The following SNTG1 variants were observed in gnomAD, a reference collection of about 807,000 sequenced individuals.
SNTG1 encodes the protein syntrophin gamma 1.
A neutral mutation model predicts 74.7 loss-of-function variants in SNTG1; 39 were observed. That is an observed-to-expected ratio of 0.52 (90% CI 0.40 to 0.68). The LOEUF is 0.68. Among genes scored for constraint, SNTG1 ranks in the 30% least tolerant of loss-of-function variants. SNTG1 has a pLI of 0.00. For missense variants in SNTG1, 685 were observed against 609.5 expected, an observed-to-expected ratio of 1.12 and a Z score of -1.30; for synonymous variants, 254 against 217.1, an observed-to-expected ratio of 1.17 and a Z score of -1.49.
In SNTG1 at chr8:50,775,790, T is replaced by A. The variant is rs1219714914; in HGVS notation, c.1396-16881T>A. Among the ~76,000 whole-genome samples, 4 of 151,834 alleles carry A rather than the reference T, an allele frequency of 2.6e-5. No homozygotes were observed. The East Asian group carries it at 7.7e-4, about 29-fold the overall frequency. On this transcript the variant is annotated intron_variant, in intron 18 of 18. Coordinates refer to ENST00000642720, the MANE Select transcript of SNTG1 (RefSeq NM_018967.5). ...GTTTCTGCATTACATACTTTGCATC[T>A]AAGTTATTTGATGCATACATATTTA...
chr8:50,755,863 G>A (rs2095579070), intron 18 of SNTG1, among the ~76,000 whole-genome samples: 1 of 151,544 alleles, frequency 6.6e-6, no homozygotes, highest in African/African-American at 2.4e-5. Flanking sequence ...ATACAACGTG[G>A]TGCATATTTT....
At position 50,389,596 on chromosome 8, in the gene SNTG1, C is replaced by T. The variant is rs191673197; in HGVS notation, c.-27-4616C>T. ...TGATTTATAATCCTTTGGGTATATACCCAGTAATGGGATGGCTGGGTCAAA... is the reference window on the plus strand; with the variant it reads ...TGATTTATAATCCTTTGGGTATATATCCAGTAATGGGATGGCTGGGTCAAA... On this transcript the variant is annotated intron_variant, in intron 2 of 18. Coordinates refer to ENST00000642720, the MANE Select transcript of SNTG1 (RefSeq NM_018967.5). Among the ~76,000 whole-genome samples, 795 of 152,196 alleles carry T rather than the reference C, an allele frequency of 5.2e-3. 9 individuals carry two copies. The highest frequency in any genetic ancestry group is 0.019 in the African/African-American group (768 of 41,498).
rs184894731 is a variant in SNTG1 at position 50,567,614 on chromosome 8, T to C, written c.810+14435T>C. 1.6e-3 allele frequency among the ~76,000 whole-genome samples: 249 copies of C among 152,202 alleles called. 1 individual carries two copies. The highest frequency in any genetic ancestry group is 5.5e-3 in the African/African-American group (229 of 41,550). The stretch of plus-strand genomic sequence containing the variant: ...TTGTTTTTCCCCACCTGACAAGAAT[T>C]CTAGATGGTAGCATTTGCTAACTAT... On this transcript the variant is annotated intron_variant, in intron 12 of 18. Transcript: ENST00000642720.
At chr8:50,735,532 G>A (rs2095526197) in intron 17 of SNTG1, among the ~76,000 whole-genome samples, 1 of 151,754 alleles carries the variant, frequency 6.6e-6, no homozygotes, top group Non-Finnish European at 1.5e-5. Context: ...AGAGATTGAA[G>A]ATCAACTTAA....
intron 1 of SNTG1, among the ~76,000 whole-genome samples, chr8:49,955,393 C>T (rs1810065070): frequency 6.6e-6 from 1 of 152,208 alleles, no homozygotes; most frequent in African/African-American, 2.4e-5. Flanking sequence ...TCAGCACGCA[C>T]ATTGCCCTGG....
chr8:50,487,700 G>T lies in SNTG1; in HGVS notation c.364-15078G>T, dbSNP rs1029843103. Among the ~76,000 whole-genome samples the T allele has an allele frequency of 7.5e-5, 11 of 146,530 alleles. No homozygotes were observed. In the South Asian group the frequency reaches 1.7e-3, roughly 22 times the overall value. On this transcript the variant is annotated intron_variant, in intron 8 of 18. Coordinates refer to ENST00000642720, the MANE Select transcript of SNTG1 (RefSeq NM_018967.5). ...TGGGGACTGTTGTGGGGTCGGAGGG[G>T]GGGGAGGGATAGCACTGGGAGATAT... is the stretch of plus-strand genomic sequence containing the variant.
intron 2 of SNTG1, among the ~76,000 whole-genome samples, chr8:50,201,572 C>T (rs1361923355): frequency 6.6e-6 from 1 of 152,088 alleles, no homozygotes; most frequent in Non-Finnish European, 1.5e-5. Flanking sequence ...CCATGATCAT[C>T]TTGTTTACTT....
intron 15 of SNTG1, among the ~76,000 whole-genome samples, chr8:50,662,436 T>C (rs1389226915): frequency 6.6e-6 from 1 of 152,188 alleles, no homozygotes; most frequent in East Asian, 1.9e-4. Flanking sequence ...AGTATATGAA[T>C]TCAGTTTGTA....
chr8:50,768,996 CT>C (rs1461947718), intron 18 of SNTG1, among the ~76,000 whole-genome samples: 2 of 152,060 alleles, frequency 1.3e-5, no homozygotes, highest in African/African-American at 4.8e-5. Context: ...CTCTCTCTCC[CT>C]TAGAAGAGAT....
At chr8:50,139,751 A>G (rs1164047379) in intron 1 of SNTG1, among the ~76,000 whole-genome samples, 1 of 152,192 alleles carries the variant, frequency 6.6e-6, no homozygotes, top group Non-Finnish European at 1.5e-5. Context: ...AGAAACAGCT[A>G]ATTATCTTTC....
intron 2 of SNTG1, among the ~76,000 whole-genome samples, chr8:50,255,608 T>C (rs1395624672): frequency 6.6e-6 from 1 of 152,232 alleles, no homozygotes; most frequent in Non-Finnish European, 1.5e-5. Flanking sequence ...CTTAGTGTTC[T>C]GACTAGTAAA....
At chr8:50,407,194 A>C (rs1478891911) in intron 4 of SNTG1, among the ~76,000 whole-genome samples, 4 of 152,194 alleles carry the variant, frequency 2.6e-5, no homozygotes, top group African/African-American at 9.6e-5. Context: ...AGAGATAAAC[A>C]TCCAACTTTG....
At chr8:50,215,401 C>CTA (rs1023948975) in intron 2 of SNTG1, among the ~76,000 whole-genome samples, 42 of 145,028 alleles carry the variant, frequency 2.9e-4, no homozygotes, top group Non-Finnish European at 4.2e-4. Context: ...TGTATATATA[C>CTA]TATATATATA....
At chr8:50,034,042 G>A (rs1443687366) in intron 1 of SNTG1, among the ~76,000 whole-genome samples, 4 of 152,058 alleles carry the variant, frequency 2.6e-5, no homozygotes, top group Non-Finnish European at 4.4e-5. Context: ...ATGGCAGAAG[G>A]TCACAACTCA....
intron 18 of SNTG1, among the ~76,000 whole-genome samples, chr8:50,779,613 T>C (rs1213447122): frequency 2.6e-5 from 4 of 152,128 alleles, no homozygotes; most frequent in African/African-American, 9.7e-5. Flanking sequence ...GCTGAGACAA[T>C]GGGGTTTTCT....
At chr8:49,943,646 T>C (rs367888118) in intron 1 of SNTG1, among the ~76,000 whole-genome samples, 34 of 152,370 alleles carry the variant, frequency 2.2e-4, no homozygotes, top group Middle Eastern at 3.4e-3. Flanking sequence ...CTATAATCCA[T>C]GCATTTAAAA....
At chr8:50,515,387 G>GTTTTTTTT (rs34086906) in intron 9 of SNTG1, among the ~76,000 whole-genome samples, 7 of 80,386 alleles carry the variant, frequency 8.7e-5, no homozygotes, top group Non-Finnish European at 1.2e-4. Context: ...AGCTGCAGGA[G>GTTTTTTTT]TTTTTTTTTT....
chr8:50,349,180 A>G (rs771572837), intron 2 of SNTG1, among the ~76,000 whole-genome samples: 3 of 152,186 alleles, frequency 2.0e-5, no homozygotes, highest in Non-Finnish European at 4.4e-5. Flanking sequence ...CACTTTTGTT[A>G]GAAGAATAAG....
In SNTG1 at chr8:50,557,026, C is replaced by A. The variant is rs79906504; in HGVS notation, c.810+3847C>A. 5.3e-3 allele frequency among the ~76,000 whole-genome samples: 808 copies of A among 152,258 alleles called. 13 individuals carry two copies. Among genetic ancestry groups the A allele is most frequent in the African/African-American group, 0.019 (772 of 41,530 alleles). ...CCCTACCCTGCACCCCATCTCACAC[C>A]ACTCAGACAGGCACAGGCTGTACAG... On this transcript the variant is annotated intron_variant, in intron 12 of 18. Coordinates refer to ENST00000642720, the MANE Select transcript of SNTG1 (RefSeq NM_018967.5).
Sources: allele counts gnomAD v4.1 joint callset (sites outside exome capture counted in the v4.1 genomes callset), GRCh38; gene constraint gnomAD v4.1.1; transcripts MANE v1.5; gene names NCBI Gene and HGNC (gene_info 2026-07-23, HGNC 2026-07-21).